ARHGEF4: variants seen among roughly 807,000 people sequenced by gnomAD.
The protein encoded by ARHGEF4 is APC-stimulated guanine nucleotide exchange factor 1.
Under a neutral mutation model 162.0 loss-of-function variants are expected in ARHGEF4, and 119 were observed. The ratio of observed to expected loss-of-function variants is 0.73; its 90% CI spans 0.63 to 0.86. The LOEUF is 0.86. ARHGEF4 is among the 40% of genes least tolerant of loss of function. ARHGEF4 has a pLI of 0.00. For missense variants in ARHGEF4, 2,488 were observed against 2,456.0 expected (o/e 1.01, Z -0.28); for synonymous variants, 1,014 against 979.9 (o/e 1.03, Z -0.65).
chr2:131,019,856 G>A (rs1253661053), intron 4 of ARHGEF4, among the ~76,000 whole-genome samples: 6 of 152,040 alleles, frequency 3.9e-5, no homozygotes, highest in East Asian at 1.9e-4. Context: ...GGATGGTCTC[G>A]ATTTCCTGAC....
At chr2:130,931,481 A>AG in intron 3 of ARHGEF4, among the ~76,000 whole-genome samples, 1 of 152,090 alleles carries the variant, frequency 6.6e-6, no homozygotes, top group Non-Finnish European at 1.5e-5. Flanking sequence ...CACAGAAGCC[A>AG]GGGCCCCCTC....
intron 1 of ARHGEF4, among the ~76,000 whole-genome samples, chr2:130,838,044 C>T (rs1351245527): frequency 6.6e-6 from 1 of 152,242 alleles, no homozygotes; most frequent in Non-Finnish European, 1.5e-5. Context: ...TCAGCTCCCA[C>T]CCCCAGCGAT....
chr2:130,902,929 T>G (rs1242916518), intron 1 of ARHGEF4, among the ~76,000 whole-genome samples: 2 of 149,724 alleles, frequency 1.3e-5, no homozygotes, highest in Non-Finnish European at 3.0e-5. Context: ...TCTGTTTTTT[T>G]GTTCTTTTTT....
chr2:130,883,121 C>T (rs1187519604), intron 1 of ARHGEF4, among the ~76,000 whole-genome samples: 1 of 151,944 alleles, frequency 6.6e-6, no homozygotes, highest in African/African-American at 2.4e-5. Context: ...TTTCAAGGAG[C>T]GAGATGCCAG....
chr2:130,844,770 A>T (rs1164579640), intron 1 of ARHGEF4, among the ~76,000 whole-genome samples: 1 of 151,956 alleles, frequency 6.6e-6, no homozygotes, highest in Non-Finnish European at 1.5e-5. Flanking sequence ...AACAACTATT[A>T]GCTATCCCCC....
At position 130,855,212 on chromosome 2, in the gene ARHGEF4, C is replaced by T. The variant is rs534933943; in HGVS notation, c.39+18220C>T. On this transcript the variant is annotated intron_variant, in intron 1 of 13. Coordinates refer to ENST00000409359, the MANE Select transcript of ARHGEF4 (RefSeq NM_001367493.1). ...TTACTTGAAACAAAAAGTTGGAGAA[C>T]CCATGCCTTAAGGGTACTGCCAAAA... 3.3e-5 allele frequency among the ~76,000 whole-genome samples: 5 copies of T among 152,042 alleles called. No homozygotes were observed. In the South Asian group the frequency reaches 1.0e-3, roughly 32 times the overall value.
rs191604987 is a variant in ARHGEF4, at chr2:130,939,957, A to G, written c.3859-6552A>G. Among the ~76,000 whole-genome samples, 3 of 152,312 alleles carry G rather than the reference A, an allele frequency of 2.0e-5. No individual in the cohort carries two copies. The East Asian group carries it at 5.8e-4, about 29-fold the overall frequency. ...TGTATCCTGTGACTCTGCTGAATTCATTTGTTAGTTCAAATGTAGTTGTTT... is the reference window on the plus strand; with the variant it reads ...TGTATCCTGTGACTCTGCTGAATTCGTTTGTTAGTTCAAATGTAGTTGTTT... On this transcript the variant is annotated intron_variant, in intron 3 of 13. Coordinates refer to ENST00000409359, the MANE Select transcript of ARHGEF4 (RefSeq NM_001367493.1).
At chr2:130,964,169 G>A in intron 4 of ARHGEF4, 4 of 985,324 alleles carry the variant, frequency 4.1e-6, no homozygotes, top group Non-Finnish European at 4.8e-6. Context: ...GTGGTGTGTG[G>A]CGGCCGCGGA....
At chr2:130,896,268 G>A (rs1680153129) in intron 1 of ARHGEF4, among the ~76,000 whole-genome samples, 1 of 152,102 alleles carries the variant, frequency 6.6e-6, no homozygotes, top group Non-Finnish European at 1.5e-5. Context: ...TACTTGTAAT[G>A]CCATATTCTT....
At chr2:130,843,112 G>A (rs1038109870) in intron 1 of ARHGEF4, among the ~76,000 whole-genome samples, 10 of 152,156 alleles carry the variant, frequency 6.6e-5, no homozygotes, top group Admixed American at 4.6e-4. Flanking sequence ...GATAGATGGG[G>A]CCAGATTTTC....
intron 1 of ARHGEF4, among the ~76,000 whole-genome samples, chr2:130,876,999 G>C (rs1559014645): frequency 6.6e-6 from 1 of 152,226 alleles, no homozygotes; most frequent in Non-Finnish European, 1.5e-5. Flanking sequence ...AAAGGGTCTA[G>C]GTACAGTGAT....
At chr2:130,860,490 C>T (rs1329297593) in intron 1 of ARHGEF4, among the ~76,000 whole-genome samples, 1 of 79,460 alleles carries the variant, frequency 1.3e-5, no homozygotes, top group Non-Finnish European at 2.1e-5. Context: ...AGGCAGATCA[C>T]GAGGTCAGGA....
intron 1 of ARHGEF4, among the ~76,000 whole-genome samples, chr2:130,867,951 T>TC (rs1682411692): frequency 2.0e-5 from 3 of 149,028 alleles, no homozygotes; most frequent in Admixed American, 2.0e-4. Flanking sequence ...TTTTTTTTTT[T>TC]TGGAGACAGA....
chr2:130,936,432 T>C (rs1160798286), intron 3 of ARHGEF4, among the ~76,000 whole-genome samples: 1 of 152,264 alleles, frequency 6.6e-6, no homozygotes, highest in Non-Finnish European at 1.5e-5. Context: ...TTATAGCAGT[T>C]TTCAACTTAA....
intron 4 of ARHGEF4, 94 bp downstream of exon 4, chr2:130,946,729 G>A (rs934732463): frequency 1.9e-6 from 3 of 1,551,174 alleles, no homozygotes; most frequent in African/African-American, 2.7e-5. Context: ...CCACTTGCCT[G>A]GTAGAAGTAG....
At chr2:130,930,880 G>T in intron 2 of ARHGEF4, 72 bp from the exon 3 acceptor site, 1 of 1,443,248 alleles carries the variant, frequency 6.9e-7, no homozygotes. Context: ...ACTAGGCAGA[G>T]GAAGGACAGC....
chr2:130,992,002 A>G (rs1687020519), intron 4 of ARHGEF4, among the ~76,000 whole-genome samples: 1 of 152,184 alleles, frequency 6.6e-6, no homozygotes, highest in Non-Finnish European at 1.5e-5. Flanking sequence ...GTTTGTAAAC[A>G]CACCAGTCAG....
intron 4 of ARHGEF4, among the ~76,000 whole-genome samples, chr2:130,950,265 T>C (rs1019044203): frequency 3.3e-5 from 5 of 152,146 alleles, no homozygotes; most frequent in African/African-American, 1.2e-4. Context: ...CAGCCTGATG[T>C]GGGAGCAGGC....
chr2:130,999,388 C>G (rs1687620923), intron 4 of ARHGEF4, among the ~76,000 whole-genome samples: 1 of 152,036 alleles, frequency 6.6e-6, no homozygotes, highest in Non-Finnish European at 1.5e-5. Flanking sequence ...GATCTCCTGA[C>G]CTTGTGATCC....
Sources: gnomAD v4.1 joint callset for allele counts (sites outside exome capture counted in the v4.1 genomes callset) on GRCh38, gnomAD v4.1.1 for gene constraint, MANE v1.5 for transcripts, NCBI Gene and HGNC (gene_info 2026-07-23, HGNC 2026-07-21) for gene names.